The following KLHDC1 variants were observed in gnomAD, a reference collection of about 807,000 sequenced individuals.
The protein encoded by KLHDC1 is kelch domain-containing protein 1.
Under a neutral mutation model 68.3 loss-of-function variants are expected in KLHDC1, and 53 were observed. That is an observed-to-expected ratio of 0.78 (90% CI 0.62 to 0.98). The LOEUF (loss-of-function observed/expected upper bound fraction) is 0.98, where lower values mean the gene tolerates loss of function less well. KLHDC1 is among the 50% of genes least tolerant of loss of function. The pLI is 0.00. For missense variants in KLHDC1, 470 were observed against 492.3 expected (o/e 0.95, Z 0.43); for synonymous variants, 148 against 159.0 (o/e 0.93, Z 0.52).
At chr14:49,737,588 G>C (rs1888958406) in intron 10 of KLHDC1, among the ~76,000 whole-genome samples, 1 of 151,996 alleles carries the variant, frequency 6.6e-6, no homozygotes, top group Non-Finnish European at 1.5e-5. Flanking sequence ...ATCAAGGCCA[G>C]GTGTGGTGGC....
At chr14:49,720,173 A>G (rs1418817959) in intron 4 of KLHDC1, among the ~76,000 whole-genome samples, 1 of 152,090 alleles carries the variant, frequency 6.6e-6, no homozygotes, top group Non-Finnish European at 1.5e-5. Flanking sequence ...TTTAGTACAG[A>G]TGGGGTTTCT....
At chr14:49,697,658 T>G (rs746277885) in intron 1 of KLHDC1, among the ~76,000 whole-genome samples, 6 of 152,212 alleles carry the variant, frequency 3.9e-5, no homozygotes, top group Admixed American at 6.5e-5. Context: ...CTGTGTGTGT[T>G]AAATAATTCT....
chr14:49,709,525 T>C (rs971113166), intron 2 of KLHDC1, among the ~76,000 whole-genome samples, 184 bp from the exon 3 acceptor site: 10 of 152,134 alleles, frequency 6.6e-5, no homozygotes, highest in Admixed American at 3.3e-4. Context: ...TTTTTTTTTT[T>C]CCTAGCAGAT....
chr14:49,699,514 T>C (rs1887841712), intron 1 of KLHDC1, among the ~76,000 whole-genome samples: 1 of 152,136 alleles, frequency 6.6e-6, no homozygotes, highest in Non-Finnish European at 1.5e-5. Flanking sequence ...ACAAGATAGT[T>C]AAAAGGCCCT....
At position 49,718,343 on chromosome 14, in the gene KLHDC1, C is replaced by T. The variant is rs143169165; in HGVS notation, c.405-5531C>T. 4.5e-3 allele frequency among the ~76,000 whole-genome samples: 685 copies of T among 152,246 alleles called. 1 individual carries two copies. Among genetic ancestry groups the T allele is most frequent in the Non-Finnish European group, 7.6e-3 (515 of 68,014 alleles). ...TTGCCCAGGCAGGAGTGTAGTGGCA[C>T]TGTCTTGGTTCACTGCAGCCTCTAC... is the stretch of plus-strand genomic sequence containing the variant. On this transcript the variant is annotated intron_variant, in intron 4 of 12. Coordinates refer to ENST00000359332, the MANE Select transcript of KLHDC1 (RefSeq NM_172193.3).
At chr14:49,695,400 C>G (rs1887711651) in intron 1 of KLHDC1, among the ~76,000 whole-genome samples, 1 of 152,110 alleles carries the variant, frequency 6.6e-6, no homozygotes, top group Non-Finnish European at 1.5e-5. Context: ...AAAGATAAAT[C>G]TTGTAGATCT....
chr14:49,746,566 A>G (rs1034912135), intron 12 of KLHDC1, among the ~76,000 whole-genome samples: 15 of 152,208 alleles, frequency 9.9e-5, no homozygotes, highest in African/African-American at 3.4e-4. Flanking sequence ...TGGATAGTAC[A>G]TATTTTCCCT....
intron 12 of KLHDC1, among the ~76,000 whole-genome samples, chr14:49,747,624 T>G (rs1283749576): frequency 1.3e-5 from 2 of 152,196 alleles, no homozygotes; most frequent in Admixed American, 1.3e-4. Flanking sequence ...TGAGAAGTTC[T>G]AGTTGATAGT....
At position 49,713,825 on chromosome 14, in the gene KLHDC1, TATATATATATA is replaced by T. The variant is rs1888283831; in HGVS notation, c.404+3445_404+3455del. ...ATATATATATATATATATATATATA[TATATATATATA>T]TATATATATATATATTTTTTTTTTT... On this transcript the variant is annotated intron_variant, in intron 4 of 12. Transcript: ENST00000359332. Among the ~76,000 whole-genome samples the T allele has an allele frequency of 2.8e-3, 10 of 3,530 alleles. 1 individual carries two copies. Among genetic ancestry groups the T allele is most frequent in the Non-Finnish European group, 7.9e-3 (5 of 630 alleles). 2.3% of individuals were successfully genotyped at this position (3,530 alleles called of 152,430 possible).
chr14:49,705,880 G>T (rs1480706645), intron 1 of KLHDC1, among the ~76,000 whole-genome samples: 2 of 152,072 alleles, frequency 1.3e-5, no homozygotes, highest in African/African-American at 4.8e-5. Flanking sequence ...CATAGTAGGT[G>T]TATATATTTA....
chr14:49,740,710 A>G (rs140633089), intron 11 of KLHDC1, among the ~76,000 whole-genome samples: 123 of 152,256 alleles, frequency 8.1e-4, no homozygotes, highest in African/African-American at 2.8e-3. Flanking sequence ...TATTAGTTTG[A>G]TTAGCAAAAT....
chr14:49,724,571 A>G (rs1888618720), intron 5 of KLHDC1, among the ~76,000 whole-genome samples: 1 of 152,048 alleles, frequency 6.6e-6, no homozygotes, highest in African/African-American at 2.4e-5. Flanking sequence ...ATATACACAC[A>G]CACACATTTC....
chr14:49,716,024 AG>A (rs987206562), intron 4 of KLHDC1, among the ~76,000 whole-genome samples: 70 of 151,734 alleles, frequency 4.6e-4, no homozygotes, highest in Non-Finnish European at 7.1e-4. Flanking sequence ...AGAATTTTTT[AG>A]GAGGAGTAAT....
chr14:49,713,569 C>T (rs756176139), intron 4 of KLHDC1, among the ~76,000 whole-genome samples: 4 of 151,372 alleles, frequency 2.6e-5, no homozygotes, highest in Non-Finnish European at 4.4e-5. Flanking sequence ...TTTAAATTAC[C>T]ATTTTAAAAT....
At chr14:49,750,179 C>T (rs1232766316) in intron 12 of KLHDC1, among the ~76,000 whole-genome samples, 1 of 152,184 alleles carries the variant, frequency 6.6e-6, no homozygotes, top group Non-Finnish European at 1.5e-5. Flanking sequence ...CAGCAGATTC[C>T]TTCGCATGGT....
At chr14:49,743,167 C>T (rs1889108736) in intron 11 of KLHDC1, among the ~76,000 whole-genome samples, 1 of 150,250 alleles carries the variant, frequency 6.7e-6, no homozygotes, top group African/African-American at 2.4e-5. Context: ...GAGGCTGAGG[C>T]AGGTGGATCA....
chr14:49,708,524 A>G (rs1481464309), intron 1 of KLHDC1: 2 of 152,218 alleles, frequency 1.3e-5, no homozygotes, highest in Admixed American at 1.3e-4. Flanking sequence ...TTATCTTTTC[A>G]TCAAGAATGT....
At chr14:49,724,370 A>G (rs571543536) in intron 5 of KLHDC1, among the ~76,000 whole-genome samples, 1 of 152,240 alleles carries the variant, frequency 6.6e-6, no homozygotes, top group East Asian at 1.9e-4. Flanking sequence ...TAATTTTTCT[A>G]CTTATTCTTA....
At chr14:49,712,359 G>A (rs895929624) in intron 4 of KLHDC1, among the ~76,000 whole-genome samples, 1 of 152,122 alleles carries the variant, frequency 6.6e-6, no homozygotes, top group Non-Finnish European at 1.5e-5. Flanking sequence ...TGTGTTGGTT[G>A]TATCTCTGTG....
Sources: allele counts gnomAD v4.1 joint callset (sites outside exome capture counted in the v4.1 genomes callset), GRCh38; gene constraint gnomAD v4.1.1; transcripts MANE v1.5; gene names NCBI Gene and HGNC (gene_info 2026-07-23, HGNC 2026-07-21).